The following CRMP1 variants were observed in gnomAD, a reference collection of about 807,000 sequenced individuals.
CRMP1 encodes the protein collapsin response mediator protein 1.
Under a neutral mutation model 68.3 loss-of-function variants are expected in CRMP1, and 19 were observed. That is an observed-to-expected ratio of 0.28 (90% CI 0.19 to 0.41). CRMP1 has a LOEUF of 0.41. CRMP1 is among the 10% of genes least tolerant of loss of function. The probability of loss-of-function intolerance (pLI) is 1.00; values close to 1 mark genes in which losing one functional copy is unlikely to be tolerated. For synonymous variants in CRMP1, 439 were observed against 399.6 expected (o/e 1.10, Z -1.18); for missense variants, 791 against 967.4 (o/e 0.82, Z 2.42).
At chr4:5,874,147 T>C (rs1433381701) in intron 1 of CRMP1, among the ~76,000 whole-genome samples, 1 of 152,166 alleles carries the variant, frequency 6.6e-6, no homozygotes, top group East Asian at 1.9e-4. Context: ...ATTTGTCCTC[T>C]AGAAAATATC....
At chr4:5,875,684 A>C (rs1220187137) in intron 1 of CRMP1, among the ~76,000 whole-genome samples, 2 of 152,128 alleles carry the variant, frequency 1.3e-5, no homozygotes, top group Non-Finnish European at 2.9e-5. Context: ...TGAAAGTTCC[A>C]GGTACTGTGG....
intron 13 of CRMP1, chr4:5,824,988 G>A (rs1317884549): frequency 1.0e-6 from 1 of 985,294 alleles, no homozygotes; most frequent in African/African-American, 1.7e-5. Context: ...ATTTCTTGGG[G>A]CTTCCGTTTC....
In CRMP1 at chr4:5,838,817, G is replaced by A. The variant is rs184072582; in HGVS notation, c.1310+705C>T. Reference sequence around the variant, plus strand: ...AGCCCCATCTTATCCTCCCCTATTGGGCAAACTCCTACTCATCCCCAAGCT... The same window carrying A: ...AGCCCCATCTTATCCTCCCCTATTGAGCAAACTCCTACTCATCCCCAAGCT... On this transcript the variant is annotated intron_variant, in intron 9 of 13. Coordinates refer to ENST00000324989, the MANE Select transcript of CRMP1 (RefSeq NM_001014809.3). This position sits in a 1 kb window ranked among gnomAD's most constrained non-coding sequence, Gnocchi z 4.9. Among the ~76,000 whole-genome samples, 2 of 151,992 alleles carry A rather than the reference G, an allele frequency of 1.3e-5. No individual in the cohort carries two copies. Among genetic ancestry groups the A allele is most frequent in the East Asian group, 3.9e-4 (2 of 5,166 alleles).
intron 9 of CRMP1, among the ~76,000 whole-genome samples, chr4:5,837,289 C>G (rs1281831569): frequency 6.6e-6 from 1 of 151,998 alleles, no homozygotes; most frequent in Admixed American, 6.6e-5. Context: ...AAAACAAATA[C>G]TCTTTGATAT....
chr4:5,869,608 C>T lies in CRMP1; in HGVS notation c.382-2852G>A, dbSNP rs184973268. ...CTGAGGCAGGAGAATGTCATGAACCCGGAACGCAGAGCTTGCAGTGAGCCG... is the reference window on the plus strand; with the variant it reads ...CTGAGGCAGGAGAATGTCATGAACCTGGAACGCAGAGCTTGCAGTGAGCCG... On this transcript the variant is annotated intron_variant, in intron 1 of 13. Transcript: ENST00000324989. Among the ~76,000 whole-genome samples, 624 of 150,508 alleles carry T rather than the reference C, an allele frequency of 4.1e-3. 6 individuals are homozygous for T. Among genetic ancestry groups the T allele is most frequent in the African/African-American group, 0.011 (434 of 40,788 alleles).
Position 5,832,131 on chromosome 4 carries a change from T to C in CRMP1, c.1624-3463A>G, listed in dbSNP as rs118025150. ...GAAATGTCCAGAATAGGCAAATCCA[T>C]AGAAACAGAAAGCAGATTAGTGGTT... On this transcript the variant is annotated intron_variant, in intron 11 of 13. Transcript: ENST00000324989. 5.2e-4 allele frequency among the ~76,000 whole-genome samples: 79 copies of C among 152,276 alleles called. No individual in the cohort carries two copies. In the East Asian group the frequency reaches 7.3e-3, roughly 14 times the overall value.
At chr4:5,882,581 TATC>T (rs1462021038) in intron 1 of CRMP1, among the ~76,000 whole-genome samples, 2 of 152,230 alleles carry the variant, frequency 1.3e-5, no homozygotes, top group South Asian at 4.1e-4. Context: ...TCTTAGGAAA[TATC>T]ATTCTGATTT....
rs140078444 is a variant in CRMP1, at chr4:5,850,128, C to G, written c.883-656G>C. ...TTGCCCCTGGTAAGGGCCAAAGCCA[C>G]GAAGCTCCCTCTCCAGGGACACTTG... On this transcript the variant is annotated intron_variant, in intron 5 of 13. Transcript: ENST00000324989. The surrounding 1 kb of genome is among the most constrained non-coding windows in gnomAD (Gnocchi z 4.4). 2.0e-5 allele frequency among the ~76,000 whole-genome samples: 3 copies of G among 152,300 alleles called. No homozygotes were observed. Among genetic ancestry groups the G allele is most frequent in the Non-Finnish European group, 4.4e-5 (3 of 68,012 alleles).
chr4:5,857,190 C>T (rs1438059352), intron 3 of CRMP1, among the ~76,000 whole-genome samples: 2 of 151,402 alleles, frequency 1.3e-5, no homozygotes, highest in Non-Finnish European at 2.9e-5. Context: ...CATTGTCACT[C>T]CACCACCATC....
chr4:5,859,315 G>A lies in CRMP1; in HGVS notation c.655+1711C>T, dbSNP rs1713366985. Among the ~76,000 whole-genome samples, 1 of 152,132 alleles carries A rather than the reference G, an allele frequency of 6.6e-6. No homozygotes were observed. The highest frequency in any genetic ancestry group is 2.1e-4 in the South Asian group (1 of 4,820). ...ACACTTTGGAAACTGCCCTTCACAG[G>A]TGAGGAGGATAAGGCTTACAGGGCA... On this transcript the variant is annotated intron_variant, in intron 3 of 13. Transcript: ENST00000324989. This position sits in a 1 kb window ranked among gnomAD's most constrained non-coding sequence, Gnocchi z 5.2.
intron 9 of CRMP1, 115 bp downstream of exon 9, chr4:5,839,407 G>T: frequency 7.6e-7 from 1 of 1,317,348 alleles, no homozygotes; most frequent in Non-Finnish European, 1.0e-6. Flanking sequence ...AGAGCACGGG[G>T]CAGAGCCTCC....
rs777183433 is a variant in CRMP1 at position 5,877,961 on chromosome 4, C to G, written c.382-11205G>C. On this transcript the variant is annotated intron_variant, in intron 1 of 13. Coordinates refer to ENST00000324989, the MANE Select transcript of CRMP1 (RefSeq NM_001014809.3). This position sits in a 1 kb window ranked among gnomAD's most constrained non-coding sequence, Gnocchi z 4.3. ...GTGATCGGTAACTTGACCCATTTCT[C>G]TGTGTTCTGGTCTGTGCTTCTTGCT... Among the ~76,000 whole-genome samples, 1 of 152,248 alleles carries G rather than the reference C, an allele frequency of 6.6e-6. No homozygotes were observed. The highest frequency in any genetic ancestry group is 1.5e-5 in the Non-Finnish European group (1 of 68,046).
rs1005051972 is a variant in CRMP1, at chr4:5,861,746, G to A, written c.471-536C>T. Among the ~76,000 whole-genome samples the A allele has an allele frequency of 4.6e-5, 7 of 152,118 alleles. No homozygotes were observed. Among genetic ancestry groups the A allele is most frequent in the African/African-American group, 7.2e-5 (3 of 41,416 alleles). On this transcript the variant is annotated intron_variant, in intron 2 of 13. Transcript: ENST00000324989. This position sits in a 1 kb window ranked among gnomAD's most constrained non-coding sequence, Gnocchi z 6.0. ...CCAGAGTCAGGAGGTCCCTCAAGGC[G>A]CTGGGGGAAGAGGCTCAGCCAGAAC... is the stretch of plus-strand genomic sequence containing the variant.
At chr4:5,864,203 C>T (rs1713812643) in intron 2 of CRMP1, among the ~76,000 whole-genome samples, 1 of 152,126 alleles carries the variant, frequency 6.6e-6, no homozygotes, top group Non-Finnish European at 1.5e-5. Context: ...GGGGGCCTGG[C>T]CCAGGAAGGA....
Position 5,860,462 on chromosome 4 carries a change from G to T in CRMP1, c.655+564C>A, listed in dbSNP as rs546208632. On this transcript the variant is annotated intron_variant, in intron 3 of 13. Coordinates refer to ENST00000324989, the MANE Select transcript of CRMP1 (RefSeq NM_001014809.3). The surrounding 1 kb of genome is among the most constrained non-coding windows in gnomAD (Gnocchi z 4.2). ...TTAAGATTTGGGGGCTGTTTGTTAC[G>T]CGGTGTTATCACAGTATTACTGCAG... 1.3e-5 allele frequency among the ~76,000 whole-genome samples: 2 copies of T among 152,094 alleles called. No homozygotes were observed. Among genetic ancestry groups the T allele is most frequent in the Admixed American group, 1.3e-4 (2 of 15,272 alleles).
At chr4:5,845,556 C>T (rs573661784) in intron 6 of CRMP1, among the ~76,000 whole-genome samples, 1 of 152,306 alleles carries the variant, frequency 6.6e-6, no homozygotes, top group African/African-American at 2.4e-5. Flanking sequence ...TGCTCACCGC[C>T]CCCAACCTGC....
At chr4:5,835,678 CAG>C (rs959876081) in intron 11 of CRMP1, among the ~76,000 whole-genome samples, 2 of 151,956 alleles carry the variant, frequency 1.3e-5, no homozygotes, top group East Asian at 1.9e-4. Context: ...AGCAAAGAGA[CAG>C]AGAGAGAGGA....
In CRMP1 at chr4:5,865,562, A is replaced by G. The variant is rs1713932796; in HGVS notation, c.470+1106T>C. Among the ~76,000 whole-genome samples, 1 of 148,892 alleles carries G rather than the reference A, an allele frequency of 6.7e-6. No individual in the cohort carries two copies. The highest frequency in any genetic ancestry group is 2.2e-4 in the South Asian group (1 of 4,592). On this transcript the variant is annotated intron_variant, in intron 2 of 13. Coordinates refer to ENST00000324989, the MANE Select transcript of CRMP1 (RefSeq NM_001014809.3). The surrounding 1 kb of genome is among the most constrained non-coding windows in gnomAD (Gnocchi z 4.1). ...ATTGAACCCGGGAAGTGGAGGTTGC[A>G]GTGAGCCGAGATTGTGCCACTGCAC...
At position 5,877,295 on chromosome 4, in the gene CRMP1, G is replaced by T. The variant is rs185846457; in HGVS notation, c.382-10539C>A. ...GGGGTGTTTGTTAGGCAGCATCATCGCATCAAAGCAAATTAATACATCGTA... is the reference window on the plus strand; with the variant it reads ...GGGGTGTTTGTTAGGCAGCATCATCTCATCAAAGCAAATTAATACATCGTA... On this transcript the variant is annotated intron_variant, in intron 1 of 13. Transcript: ENST00000324989. The surrounding 1 kb of genome is among the most constrained non-coding windows in gnomAD (Gnocchi z 4.3). 6.6e-6 allele frequency among the ~76,000 whole-genome samples: 1 copy of T among 152,206 alleles called. No homozygotes were observed. Among genetic ancestry groups the T allele is most frequent in the African/African-American group, 2.4e-5 (1 of 41,456 alleles).
Sources: allele counts gnomAD v4.1 joint callset (sites outside exome capture counted in the v4.1 genomes callset), GRCh38; gene constraint gnomAD v4.1.1; non-coding constraint Gnocchi (gnomAD v3.1); transcripts MANE v1.5; gene names NCBI Gene and HGNC (gene_info 2026-07-23, HGNC 2026-07-21).